Variants in CADM2 observed in about 807,000 individuals in gnomAD.
The protein encoded by CADM2 is immunoglobulin superfamily member 4D.
CADM2 carries 12 observed loss-of-function variants against 49.8 expected under a neutral mutation model. The observed-to-expected ratio is 0.24, with a 90% CI of 0.15 to 0.39. CADM2 has a LOEUF of 0.39. Among genes scored for constraint, CADM2 ranks in the 10% least tolerant of loss-of-function variants. The pLI, the probability that CADM2 is intolerant of heterozygous loss-of-function variation, is 1.00. For synonymous variants in CADM2, 214 were observed against 175.4 expected (o/e 1.22, Z -1.74); for missense variants, 378 against 492.3 (o/e 0.77, Z 2.20).
intron 6 of CADM2, among the ~76,000 whole-genome samples, chr3:85,931,417 T>C (rs1720573924): frequency 6.6e-6 from 1 of 151,972 alleles, no homozygotes; most frequent in African/African-American, 2.4e-5. Context: ...CAATCCAGCC[T>C]CGGGGACAGA....
At chr3:85,180,937 G>T (rs1411376764) in intron 1 of CADM2, among the ~76,000 whole-genome samples, 1 of 152,086 alleles carries the variant, frequency 6.6e-6, no homozygotes, top group South Asian at 2.1e-4. Flanking sequence ...TAAGTGATTA[G>T]TCCCTAAAGG....
chr3:85,105,809 T>C lies in CADM2; in HGVS notation c.61+146141T>C, dbSNP rs138846158. 7.1e-3 allele frequency among the ~76,000 whole-genome samples: 1,078 copies of C among 151,990 alleles called. 17 individuals are homozygous for C. Among genetic ancestry groups the C allele is most frequent in the African/African-American group, 0.024 (1,005 of 41,450 alleles). ...GTCCTTTGTAGGGACATGGATGAAA[T>C]TGGAAATCATCATTCTCAGTAAACT... is the stretch of plus-strand genomic sequence containing the variant. On this transcript the variant is annotated intron_variant, in intron 1 of 9. Coordinates refer to ENST00000383699, the MANE Select transcript of CADM2 (RefSeq NM_001167675.2).
intron 2 of CADM2, among the ~76,000 whole-genome samples, chr3:85,774,411 G>A (rs9864042): frequency 0.71 from 107,580 of 151,556 alleles, 39,749 homozygotes; most frequent in African/African-American, 0.93. Context: ...GGAAGATTCT[G>A]TAGTCACCAT....
intron 1 of CADM2, among the ~76,000 whole-genome samples, chr3:85,186,246 T>G (rs144348894): frequency 1.9e-4 from 29 of 152,270 alleles, no homozygotes; most frequent in African/African-American, 6.3e-4. Flanking sequence ...TCTGAAATTA[T>G]CAAGCCTTGG....
At chr3:85,019,845 T>C (rs2034419327) in intron 1 of CADM2, among the ~76,000 whole-genome samples, 1 of 152,118 alleles carries the variant, frequency 6.6e-6, no homozygotes, top group Non-Finnish European at 1.5e-5. Context: ...GTTCAGAATT[T>C]GAGATTCAGA....
At chr3:85,032,743 A>G (rs2107331640) in intron 1 of CADM2, among the ~76,000 whole-genome samples, 1 of 152,150 alleles carries the variant, frequency 6.6e-6, no homozygotes, top group South Asian at 2.1e-4. Flanking sequence ...TTTTTTTTCA[A>G]ATGACTTCAT....
At chr3:85,960,239 T>A (rs905999596) in intron 7 of CADM2, among the ~76,000 whole-genome samples, 3 of 151,982 alleles carry the variant, frequency 2.0e-5, no homozygotes, top group African/African-American at 7.2e-5. Flanking sequence ...TTTGTTAGAA[T>A]GGTATATATC....
At chr3:85,521,546 A>G (rs924859167) in intron 1 of CADM2, among the ~76,000 whole-genome samples, 1 of 152,178 alleles carries the variant, frequency 6.6e-6, no homozygotes, top group Non-Finnish European at 1.5e-5. Flanking sequence ...CCTGAAAGCA[A>G]TTCTTTTCTG....
At chr3:86,000,460 A>G (rs1205379531) in intron 8 of CADM2, among the ~76,000 whole-genome samples, 1 of 152,138 alleles carries the variant, frequency 6.6e-6, no homozygotes, top group African/African-American at 2.4e-5. Context: ...GATATAGTCA[A>G]TGTTTTTATA....
At position 85,947,878 on chromosome 3, in the gene CADM2, A is replaced by G. The variant is rs146034770; in HGVS notation, c.791+12021A>G. ...TGCAGAATCACGATTATAGATCCAT[A>G]GAGGAAATGTACTTTTTGAACATTT... On this transcript the variant is annotated intron_variant, in intron 7 of 9. Coordinates refer to ENST00000383699, the MANE Select transcript of CADM2 (RefSeq NM_001167675.2). 1.2e-4 allele frequency among the ~76,000 whole-genome samples: 18 copies of G among 151,630 alleles called. No homozygotes were observed. The East Asian group carries it at 3.5e-3, about 30-fold the overall frequency.
At chr3:85,898,937 G>GTGTGTGTATATATATATATATATATATA (rs796467067) in intron 5 of CADM2, among the ~76,000 whole-genome samples, 1 of 46,680 alleles carries the variant, frequency 2.1e-5, no homozygotes, top group African/African-American at 1.1e-4. Flanking sequence ...CATTTATTGT[G>GTGTGTGTATATATATATATATATATATA]TATATATATA....
intron 8 of CADM2, chr3:86,013,127 C>A: frequency 7.5e-7 from 1 of 1,339,800 alleles, no homozygotes; most frequent in Non-Finnish European, 1.1e-6. Context: ...TTTGAACAAA[C>A]CACGTAAGTA....
At chr3:85,805,494 T>C (rs918320222) in intron 3 of CADM2, 9 of 152,204 alleles carry the variant, frequency 5.9e-5, no homozygotes, top group African/African-American at 2.2e-4. Context: ...CCTTCTTCTT[T>C]TTTTTTCTTT....
In CADM2 at chr3:86,013,144, G is replaced by T. The variant is rs748757247; in HGVS notation, c.970+51497G>T. ...TGAACAAACCACGTAAGTAGACACA[G>T]AAAACGAATAAAAGAACTGAGTGAA... On this transcript the variant is annotated intron_variant, in intron 8 of 9. Coordinates refer to ENST00000383699, the MANE Select transcript of CADM2 (RefSeq NM_001167675.2). 1,000 of 1,347,630 alleles carry T rather than the reference G, an allele frequency of 7.4e-4. 1 individual carries two copies. The highest frequency in any genetic ancestry group is 9.7e-4 in the Non-Finnish European group (914 of 943,378). The allele number at this position is 1,347,630 out of a possible 1,614,324, so 83.5% of individuals were successfully genotyped here.
intron 1 of CADM2, among the ~76,000 whole-genome samples, chr3:85,620,527 A>G (rs1227819112): frequency 2.0e-5 from 3 of 152,062 alleles, no homozygotes; most frequent in South Asian, 4.1e-4. Flanking sequence ...ACATAACTGT[A>G]AGTTAGTGAA....
At chr3:85,460,840 A>G (rs1034545731) in intron 1 of CADM2, among the ~76,000 whole-genome samples, 6 of 151,886 alleles carry the variant, frequency 4.0e-5, no homozygotes, top group African/African-American at 1.5e-4. Flanking sequence ...CTTTTAATGT[A>G]TTTGCCCCAT....
intron 3 of CADM2, among the ~76,000 whole-genome samples, chr3:85,816,279 G>T (rs1407696063): frequency 1.3e-5 from 2 of 151,280 alleles, no homozygotes; most frequent in Non-Finnish European, 1.5e-5. Context: ...CCAACCTAAA[G>T]GTTATTATAC....
intron 3 of CADM2, among the ~76,000 whole-genome samples, chr3:85,843,454 C>G (rs1225581508): frequency 6.6e-6 from 1 of 151,226 alleles, no homozygotes; most frequent in African/African-American, 2.4e-5. Context: ...GATTCTTTAA[C>G]TTTTATCATT....
At chr3:85,410,426 T>C (rs1225650799) in intron 1 of CADM2, among the ~76,000 whole-genome samples, 1 of 152,200 alleles carries the variant, frequency 6.6e-6, no homozygotes, top group African/African-American at 2.4e-5. Context: ...TTTTTGTATA[T>C]TACGTGCTGA....
Sources: gnomAD v4.1 joint callset for allele counts (sites outside exome capture counted in the v4.1 genomes callset) on GRCh38, gnomAD v4.1.1 for gene constraint, MANE v1.5 for transcripts, NCBI Gene and HGNC (gene_info 2026-07-23, HGNC 2026-07-21) for gene names.